SDHC: variants seen among roughly 807,000 people sequenced by gnomAD.
SDHC encodes the protein succinate dehydrogenase complex subunit C, also known as succinate dehydrogenase cytochrome b560 subunit, mitochondrial.
Under a neutral mutation model 22.6 loss-of-function variants are expected in SDHC, and 11 were observed. The ratio of observed to expected loss-of-function variants is 0.49; its 90% CI spans 0.31 to 0.81. The LOEUF (loss-of-function observed/expected upper bound fraction) is 0.81, where lower values mean the gene tolerates loss of function less well. SDHC is among the 30% of genes least tolerant of loss of function. SDHC has a pLI of 0.05. For missense variants in SDHC, 160 were observed against 212.0 expected (o/e 0.75, Z 1.52); for synonymous variants, 80 against 77.8 (o/e 1.03, Z -0.15).
intron 3 of SDHC, among the ~76,000 whole-genome samples, chr1:161,334,080 A>C (rs74127624): frequency 6.6e-6 from 1 of 152,160 alleles, no homozygotes; most frequent in Non-Finnish European, 1.5e-5. Flanking sequence ...AAGTTTGACA[A>C]GATCTCCCTG....
At chr1:161,355,576 T>G (rs1672241282) in intron 4 of SDHC, among the ~76,000 whole-genome samples, 1 of 152,222 alleles carries the variant, frequency 6.6e-6, no homozygotes, top group Non-Finnish European at 1.5e-5. Context: ...AGTTTTATAG[T>G]TTTAGTTCTA....
At chr1:161,327,016 C>G (rs75003425) in intron 2 of SDHC, among the ~76,000 whole-genome samples, 17,814 of 152,112 alleles carry the variant, frequency 0.12, 1,418 homozygotes, top group African/African-American at 0.22. Context: ...TTCTACCTCC[C>G]TGGGCTCAGA....
chr1:161,338,939 C>G (rs1221692580), intron 3 of SDHC, among the ~76,000 whole-genome samples: 1 of 152,122 alleles, frequency 6.6e-6, no homozygotes, highest in Non-Finnish European at 1.5e-5. Flanking sequence ...AACTCCGCCC[C>G]CCGGATTCAA....
At chr1:161,346,463 G>C (rs1408710255) in intron 4 of SDHC, among the ~76,000 whole-genome samples, 1 of 151,422 alleles carries the variant, frequency 6.6e-6, no homozygotes, top group Non-Finnish European at 1.5e-5. Flanking sequence ...GCAATAGCGC[G>C]ATCTCAGCTC....
chr1:161,347,145 T>G (rs1158805822), intron 4 of SDHC, among the ~76,000 whole-genome samples: 9 of 152,106 alleles, frequency 5.9e-5, no homozygotes, highest in African/African-American at 2.2e-4. Context: ...ACAGGAGAGT[T>G]TGTGAAGAGG....
At chr1:161,320,909 C>T (rs1670813766) in intron 1 of SDHC, among the ~76,000 whole-genome samples, 1 of 150,378 alleles carries the variant, frequency 6.6e-6, no homozygotes, top group African/African-American at 2.5e-5. Flanking sequence ...TCACTGCAAC[C>T]TCTGCCTCGC....
At chr1:161,351,444 T>C (rs1184260419) in intron 4 of SDHC, among the ~76,000 whole-genome samples, 3 of 152,236 alleles carry the variant, frequency 2.0e-5, no homozygotes, top group African/African-American at 7.2e-5. Flanking sequence ...ATTATAAAAA[T>C]TAAATACTAT....
chr1:161,355,817 C>G (rs1672248713), intron 4 of SDHC, among the ~76,000 whole-genome samples: 1 of 151,884 alleles, frequency 6.6e-6, no homozygotes, highest in Admixed American at 6.6e-5. Flanking sequence ...AACCCTGTCT[C>G]TACTAAAAAT....
intron 5 of SDHC, among the ~76,000 whole-genome samples, chr1:161,360,700 TAAC>T (rs1056803899): frequency 6.6e-6 from 1 of 150,824 alleles, no homozygotes; most frequent in African/African-American, 2.4e-5. Context: ...GGGCAAGACA[TAAC>T]AAGAGTCTAT....
chr1:161,351,399 ATTTC>A (rs1387598149), intron 4 of SDHC, among the ~76,000 whole-genome samples: 2 of 152,178 alleles, frequency 1.3e-5, no homozygotes, highest in Admixed American at 6.6e-5. Flanking sequence ...CTACATCATC[ATTTC>A]TTTTTCTACT....
chr1:161,340,509 T>G, intron 3 of SDHC, 85 bp from the exon 4 acceptor site: 2 of 1,171,008 alleles, frequency 1.7e-6, no homozygotes, highest in Non-Finnish European at 2.5e-6. Context: ...TATTTCAGAA[T>G]TAGTTTATAT....
chr1:161,339,700 G>T lies in SDHC; in HGVS notation c.180-894G>T, dbSNP rs781014796. ...TTTTTTTTTTTTTTTTGGAGACAGA[G>T]TTTCACTCTTGTTGCCCAGACTGGA... On this transcript the variant is annotated intron_variant, in intron 3 of 5. Transcript: ENST00000367975. 3.5e-4 allele frequency: 74 copies of T among 209,412 alleles called. 1 individual carries two copies. The highest frequency in any genetic ancestry group is 4.5e-4 in the Non-Finnish European group (66 of 147,586). 13.0% of individuals were successfully genotyped at this position (209,412 alleles called of 1,614,324 possible). A position where few individuals can be genotyped will look rare whatever the true frequency, so the allele number is the denominator to read the frequency against.
chr1:161,353,479 G>A (rs898616362), intron 4 of SDHC, among the ~76,000 whole-genome samples: 6 of 152,274 alleles, frequency 3.9e-5, no homozygotes, highest in Admixed American at 3.3e-4. Flanking sequence ...TCTATCCAGA[G>A]TGTCAAAGAC....
At chr1:161,328,091 C>T (rs1382146190) in intron 2 of SDHC, among the ~76,000 whole-genome samples, 1 of 151,408 alleles carries the variant, frequency 6.6e-6, no homozygotes, top group Non-Finnish European at 1.5e-5. Flanking sequence ...GCAACCTCTG[C>T]CTCCTGGGTT....
chr1:161,361,021 G>A (rs1480855294), intron 5 of SDHC, among the ~76,000 whole-genome samples: 1 of 152,070 alleles, frequency 6.6e-6, no homozygotes, highest in Non-Finnish European at 1.5e-5. Flanking sequence ...GCTGAGGCAA[G>A]AGAATCGCTT....
chr1:161,351,717 A>C (rs181729364), intron 4 of SDHC, among the ~76,000 whole-genome samples: 2 of 152,302 alleles, frequency 1.3e-5, no homozygotes, highest in East Asian at 1.9e-4. Context: ...TCTTGACCTC[A>C]AGAGAGGTTG....
intron 4 of SDHC, among the ~76,000 whole-genome samples, chr1:161,354,180 A>AT (rs1233683853): frequency 6.6e-6 from 1 of 152,152 alleles, no homozygotes; most frequent in East Asian, 1.9e-4. Flanking sequence ...TAGGATGTAT[A>AT]TGCTGTTGGA....
intron 4 of SDHC, among the ~76,000 whole-genome samples, chr1:161,342,025 T>C (rs944759999): frequency 2.0e-5 from 3 of 152,216 alleles, no homozygotes; most frequent in African/African-American, 7.2e-5. Flanking sequence ...TTTATAATCA[T>C]ATTTTTTGGC....
intron 3 of SDHC, among the ~76,000 whole-genome samples, chr1:161,337,714 A>C (rs1243364516): frequency 6.6e-6 from 1 of 152,216 alleles, no homozygotes; most frequent in Non-Finnish European, 1.5e-5. Context: ...TTCATATTAC[A>C]TCACTCCCAT....
Sources: gnomAD v4.1 joint callset for allele counts (sites outside exome capture counted in the v4.1 genomes callset) on GRCh38, gnomAD v4.1.1 for gene constraint, MANE v1.5 for transcripts, NCBI Gene and HGNC (gene_info 2026-07-23, HGNC 2026-07-21) for gene names.